Variants in RORA observed in about 807,000 individuals in gnomAD.
The protein encoded by RORA is RAR related orphan receptor A.
A neutral mutation model predicts 69.5 loss-of-function variants in RORA; 7 were observed. That is an observed-to-expected ratio of 0.10 (90% CI 0.06 to 0.19). The LOEUF is 0.19. RORA is among the 10% of genes least tolerant of loss of function. The pLI, the probability that RORA is intolerant of heterozygous loss-of-function variation, is 1.00. For synonymous variants in RORA, 261 were observed against 240.8 expected, an observed-to-expected ratio of 1.08 and a Z score of -0.78; for missense variants, 457 against 663.0, an observed-to-expected ratio of 0.69 and a Z score of 3.41.
intron 2 of RORA, among the ~76,000 whole-genome samples, chr15:60,624,528 GTATATATATATTTGCTGTA>G (rs947972495): frequency 1.1e-5 from 1 of 87,802 alleles, no homozygotes; most frequent in African/African-American, 4.9e-5. Context: ...TATATATATA[GTATATATATATTTGCTGTA>G]TATATATATA....
chr15:61,091,432 T>C (rs1400442643), intron 1 of RORA, among the ~76,000 whole-genome samples: 1 of 152,200 alleles, frequency 6.6e-6, no homozygotes, highest in Non-Finnish European at 1.5e-5. Context: ...CCTCCGCCAC[T>C]GCCTGGGCCT....
chr15:61,149,366 C>T (rs1263001783), intron 1 of RORA, among the ~76,000 whole-genome samples: 3 of 152,066 alleles, frequency 2.0e-5, no homozygotes, highest in Admixed American at 6.6e-5. Flanking sequence ...ATCTGGATAC[C>T]CAAGGACTTC....
chr15:60,725,631 A>G lies in RORA; in HGVS notation c.167-46945T>C, dbSNP rs1755848834. Among the ~76,000 whole-genome samples, 6 of 152,308 alleles carry G rather than the reference A, an allele frequency of 3.9e-5. 1 individual carries two copies. In the South Asian group the frequency reaches 1.0e-3, roughly 26 times the overall value. On this transcript the variant is annotated intron_variant, in intron 1 of 10. Transcript: ENST00000335670. Reference sequence around the variant, plus strand: ...CAATTAAATTATTTTGACCTTAGTCACCCTGCTGTGCTGTGAAATACTGTT... The same window carrying G: ...CAATTAAATTATTTTGACCTTAGTCGCCCTGCTGTGCTGTGAAATACTGTT...
chr15:60,835,733 C>T (rs1385483209), intron 1 of RORA, among the ~76,000 whole-genome samples: 1 of 152,192 alleles, frequency 6.6e-6, no homozygotes, highest in East Asian at 1.9e-4. Flanking sequence ...CTTATTTGTA[C>T]ATTTGAACTC....
chr15:60,725,724 G>C (rs1231242795), intron 1 of RORA, among the ~76,000 whole-genome samples: 3 of 152,120 alleles, frequency 2.0e-5, no homozygotes, highest in Non-Finnish European at 4.4e-5. Flanking sequence ...ATTGTGACTT[G>C]TGCCTTTCGG....
rs372468376 is a variant in RORA at position 61,076,418 on chromosome 15, C to T, written c.166+152635G>A. On this transcript the variant is annotated intron_variant, in intron 1 of 10. Transcript: ENST00000335670. Reference sequence around the variant, plus strand: ...TCTTGATCATCTCAAAAAAAAAAAACGTTTCAACAACTTCTATCATCAGCT... The same window carrying T: ...TCTTGATCATCTCAAAAAAAAAAAATGTTTCAACAACTTCTATCATCAGCT... Among the ~76,000 whole-genome samples the T allele has an allele frequency of 5.0e-5, 7 of 139,316 alleles. No homozygotes were observed. In the East Asian group the frequency reaches 6.1e-4, roughly 12 times the overall value. 91.4% of individuals were successfully genotyped at this position (139,316 alleles called of 152,430 possible).
intron 1 of RORA, among the ~76,000 whole-genome samples, chr15:61,008,040 T>C (rs1390159634): frequency 1.3e-5 from 2 of 151,912 alleles, no homozygotes; most frequent in African/African-American, 2.4e-5. Flanking sequence ...ACTAGATACA[T>C]TTCAAAAGTG....
chr15:60,494,656 A>T lies in RORA; in HGVS notation c.*2799T>A, dbSNP rs2065123466. ...TAGTAGTCAGTTGTTTCCTTGTTTCATGGAGCATGTCTCTGTCTACAATTC... is the reference window on the plus strand; with the variant it reads ...TAGTAGTCAGTTGTTTCCTTGTTTCTTGGAGCATGTCTCTGTCTACAATTC... On this transcript the variant is annotated 3_prime_UTR_variant, in exon 11 of 11. Coordinates refer to ENST00000335670, the MANE Select transcript of RORA (RefSeq NM_134261.3). 6.6e-6 allele frequency: 1 copy of T among 152,160 alleles called. No individual in the cohort carries two copies. The highest frequency in any genetic ancestry group is 1.5e-5 in the Non-Finnish European group (1 of 68,030). 9.4% of individuals were successfully genotyped at this position (152,160 alleles called of 1,614,324 possible). A position where few individuals can be genotyped will look rare whatever the true frequency, so the allele number is the denominator to read the frequency against.
chr15:60,546,752 C>G (rs930009830), intron 2 of RORA, among the ~76,000 whole-genome samples: 1 of 152,186 alleles, frequency 6.6e-6, no homozygotes, highest in East Asian at 1.9e-4. Context: ...ACAGGGAATT[C>G]TGTGTGACTG....
At chr15:60,947,720 A>T (rs942371351) in intron 1 of RORA, among the ~76,000 whole-genome samples, 1 of 151,530 alleles carries the variant, frequency 6.6e-6, no homozygotes, top group Admixed American at 6.6e-5. Flanking sequence ...AATGAAACAA[A>T]AAAGGGCCGT....
intron 1 of RORA, among the ~76,000 whole-genome samples, chr15:60,974,994 G>A (rs964184424): frequency 6.6e-6 from 1 of 152,232 alleles, no homozygotes; most frequent in Admixed American, 6.5e-5. Flanking sequence ...TGAAGAGGTG[G>A]GATCTGGGCA....
intron 1 of RORA, among the ~76,000 whole-genome samples, chr15:61,219,581 TA>T (rs376772819): frequency 0.19 from 27,390 of 147,604 alleles, 2,601 homozygotes; most frequent in African/African-American, 0.21. Context: ...TCTCAAAATT[TA>T]AAAAAAAAAA....
At chr15:61,200,991 TACATA>T (rs903079684) in intron 1 of RORA, among the ~76,000 whole-genome samples, 6 of 152,216 alleles carry the variant, frequency 3.9e-5, no homozygotes, top group Non-Finnish European at 8.8e-5. Flanking sequence ...TGCAGAAGAC[TACATA>T]TTTTTCCACA....
chr15:61,060,028 GA>G, intron 1 of RORA, among the ~76,000 whole-genome samples: 1 of 147,214 alleles, frequency 6.8e-6, no homozygotes, highest in Non-Finnish European at 1.5e-5. Flanking sequence ...AGAAGAAGAA[GA>G]AGAAGAAGAA....
chr15:61,081,252 T>C (rs1207466054), intron 1 of RORA, among the ~76,000 whole-genome samples: 1 of 152,136 alleles, frequency 6.6e-6, no homozygotes, highest in Non-Finnish European at 1.5e-5. Context: ...TCTGACTACA[T>C]GAAAATACCT....
At chr15:60,798,850 A>G (rs1360757297) in intron 1 of RORA, among the ~76,000 whole-genome samples, 1 of 152,116 alleles carries the variant, frequency 6.6e-6, no homozygotes, top group Non-Finnish European at 1.5e-5. Flanking sequence ...GGAGGCAAGC[A>G]TGTGTAACTT....
chr15:60,520,950 C>A (rs1595903415), intron 3 of RORA, among the ~76,000 whole-genome samples: 1 of 152,066 alleles, frequency 6.6e-6, no homozygotes. Context: ...GTGACTGTGG[C>A]GCACTACCAC....
chr15:61,145,630 C>T (rs1209482297), intron 1 of RORA, among the ~76,000 whole-genome samples: 1 of 152,178 alleles, frequency 6.6e-6, no homozygotes, highest in Non-Finnish European at 1.5e-5. Flanking sequence ...TCACATAGTC[C>T]TAAAATGCCT....
At position 61,034,910 on chromosome 15, in the gene RORA, T is replaced by G. The variant is rs543198206; in HGVS notation, c.166+194143A>C. Reference sequence around the variant, plus strand: ...GGAGGAAAAGCTGGAGTTTCAGTTTTCTGGAGATTGTACTTCCTGGTAACA... The same window carrying G: ...GGAGGAAAAGCTGGAGTTTCAGTTTGCTGGAGATTGTACTTCCTGGTAACA... On this transcript the variant is annotated intron_variant, in intron 1 of 10. Coordinates refer to ENST00000335670, the MANE Select transcript of RORA (RefSeq NM_134261.3). Among the ~76,000 whole-genome samples the G allele has an allele frequency of 2.6e-5, 4 of 152,196 alleles. No individual in the cohort carries two copies. In the South Asian group the frequency reaches 8.3e-4, roughly 32 times the overall value.
Sources: gnomAD v4.1 joint callset for allele counts (sites outside exome capture counted in the v4.1 genomes callset) on GRCh38, gnomAD v4.1.1 for gene constraint, MANE v1.5 for transcripts, NCBI Gene and HGNC (gene_info 2026-07-23, HGNC 2026-07-21) for gene names.